NFATC2: variants seen among roughly 807,000 people sequenced by gnomAD.
The protein encoded by NFATC2 is nuclear factor of activated T-cells, cytoplasmic 2.
A neutral mutation model predicts 87.3 loss-of-function variants in NFATC2; 22 were observed. The observed-to-expected ratio is 0.25, with a 90% CI of 0.18 to 0.36. NFATC2 has a LOEUF of 0.36. Ranked by LOEUF, NFATC2 falls within the 10% of genes least tolerant of loss-of-function variation. The pLI, the probability that NFATC2 is intolerant of heterozygous loss-of-function variation, is 1.00. For missense variants in NFATC2, 1,149 were observed against 1,259.1 expected, an observed-to-expected ratio of 0.91 and a Z score of 1.32; for synonymous variants, 565 against 542.2, an observed-to-expected ratio of 1.04 and a Z score of -0.58.
intron 9 of NFATC2, among the ~76,000 whole-genome samples, chr20:51,410,320 A>G (rs1979029636): frequency 6.6e-6 from 1 of 152,008 alleles, no homozygotes; most frequent in Non-Finnish European, 1.5e-5. Flanking sequence ...TGTGATAACA[A>G]TATCAGGGGA....
At chr20:51,490,364 AC>A (rs964554742) in intron 3 of NFATC2, among the ~76,000 whole-genome samples, 2 of 152,172 alleles carry the variant, frequency 1.3e-5, no homozygotes, top group African/African-American at 4.8e-5. Flanking sequence ...TACCTCCAAG[AC>A]CCATTCTCTT....
chr20:51,416,061 A>G (rs1980000482), intron 9 of NFATC2, among the ~76,000 whole-genome samples: 1 of 152,096 alleles, frequency 6.6e-6, no homozygotes. Flanking sequence ...CAGGAGTTCA[A>G]GACCAGCCTG....
At position 51,562,548 on chromosome 20, in the gene NFATC2, A is replaced by C; in HGVS notation, c.70+12T>G. ...GAGCGGAAAAGGCTGGAAGGGATCGAGAGTCAGTTACCTTGGTCCACAGAC... is the reference window on the plus strand; with the variant it reads ...GAGCGGAAAAGGCTGGAAGGGATCGCGAGTCAGTTACCTTGGTCCACAGAC... On this transcript the variant is annotated intron_variant, in intron 1 of 10. Coordinates refer to the NFATC2 transcript ENST00000414705. The surrounding 1 kb of genome is among the most constrained non-coding windows in gnomAD (Gnocchi z 5.8). 6.5e-7 allele frequency: 1 copy of C among 1,549,266 alleles called. No individual in the cohort carries two copies. The highest frequency in any genetic ancestry group is 8.7e-7 in the Non-Finnish European group (1 of 1,145,110).
At chr20:51,397,556 A>G (rs1213175249) in intron 10 of NFATC2, among the ~76,000 whole-genome samples, 1 of 152,154 alleles carries the variant, frequency 6.6e-6, no homozygotes, top group Non-Finnish European at 1.5e-5. Flanking sequence ...CAACCTCAGC[A>G]CTGATATTTT....
chr20:51,418,819 C>T (rs1905180964), intron 9 of NFATC2, among the ~76,000 whole-genome samples: 1 of 152,084 alleles, frequency 6.6e-6, no homozygotes, highest in Admixed American at 6.5e-5. Context: ...CATGCCACCA[C>T]ATCCAGCTAA....
chr20:51,530,553 A>G (rs911875337), intron 1 of NFATC2, among the ~76,000 whole-genome samples: 4 of 152,156 alleles, frequency 2.6e-5, no homozygotes, highest in African/African-American at 9.7e-5. Flanking sequence ...TCACTGGTGG[A>G]CCACCTAAAA....
Position 51,524,157 on chromosome 20 carries a change from G to T in NFATC2, c.131-47C>A. 7.1e-7 allele frequency: 1 copy of T among 1,413,882 alleles called. No individual in the cohort carries two copies. The highest frequency in any genetic ancestry group is 1.8e-5 in the South Asian group (1 of 56,760). 87.6% of individuals were successfully genotyped at this position (1,413,882 alleles called of 1,614,324 possible). ...GGGTTCTTTTTAAGCCTCAAAAACAGAACTCCCGGTGCAGAGCAATCACAG... is the reference window on the plus strand; with the variant it reads ...GGGTTCTTTTTAAGCCTCAAAAACATAACTCCCGGTGCAGAGCAATCACAG... On this transcript the variant is annotated intron_variant, in intron 1 of 10. Coordinates refer to ENST00000371564, the MANE Select transcript of NFATC2 (RefSeq NM_012340.5). The surrounding 1 kb of genome is among the most constrained non-coding windows in gnomAD (Gnocchi z 4.0).
chr20:51,413,028 C>T (rs1215864166), intron 9 of NFATC2, among the ~76,000 whole-genome samples: 3 of 139,256 alleles, frequency 2.2e-5, no homozygotes, highest in Non-Finnish European at 4.7e-5. Flanking sequence ...CACATGGAGC[C>T]GAGTACAGTG....
At chr20:51,556,016 G>A (rs1366421923) in intron 1 of NFATC2, among the ~76,000 whole-genome samples, 1 of 152,166 alleles carries the variant, frequency 6.6e-6, no homozygotes, top group Non-Finnish European at 1.5e-5. Context: ...GACTTAAAGG[G>A]GTCCAGGCTA....
At chr20:51,554,690 G>A (rs997084401) in intron 1 of NFATC2, among the ~76,000 whole-genome samples, 17 of 152,230 alleles carry the variant, frequency 1.1e-4, no homozygotes, top group Admixed American at 3.9e-4. Flanking sequence ...AGGTTGTGGT[G>A]TGACTTGCAA....
At chr20:51,398,534 G>GGGCCTTCAGCCTGTCAAGTTTT (rs1987570586) in intron 10 of NFATC2, 109 bp downstream of exon 10, 2 of 660,992 alleles carry the variant, frequency 3.0e-6, no homozygotes, top group Non-Finnish European at 5.1e-6. Context: ...TGAGAAGAGA[G>GGGCCTTCAGCCTGTCAAGTTTT]GGCCTTCAGC....
chr20:51,475,275 T>G (rs1988611555), intron 4 of NFATC2, among the ~76,000 whole-genome samples, 183 bp downstream of exon 4: 1 of 152,130 alleles, frequency 6.6e-6, no homozygotes. Flanking sequence ...GGCCTACATA[T>G]TATGCTTTTA....
intron 5 of NFATC2, among the ~76,000 whole-genome samples, chr20:51,467,066 T>A: frequency 8.8e-6 from 1 of 113,298 alleles, no homozygotes. Flanking sequence ...GAGCGAGACT[T>A]AGTCTCAAAA....
intron 5 of NFATC2, 25 bp downstream of exon 5, chr20:51,473,955 G>C (rs1381370112): frequency 1.2e-6 from 2 of 1,606,570 alleles, no homozygotes; most frequent in African/African-American, 2.7e-5. Context: ...TCTGAAGAAA[G>C]ACCGGGCCCC....
chr20:51,540,660 T>TTTTTTTTTGTTTG (rs1568747351), intron 1 of NFATC2, among the ~76,000 whole-genome samples: 13 of 105,784 alleles, frequency 1.2e-4, no homozygotes, highest in African/African-American at 3.7e-5. Flanking sequence ...TTTTTTTTGT[T>TTTTTTTTTGTTTG]TTTTTTTTTT....
At chr20:51,414,114 G>A (rs527654374) in intron 9 of NFATC2, among the ~76,000 whole-genome samples, 1 of 152,310 alleles carries the variant, frequency 6.6e-6, no homozygotes, top group African/African-American at 2.4e-5. Flanking sequence ...TATGCAGGAA[G>A]CTGAGCCAGG....
chr20:51,561,451 GAAA>G (rs2077026024), intron 1 of NFATC2, among the ~76,000 whole-genome samples: 1 of 108,974 alleles, frequency 9.2e-6, no homozygotes, highest in Non-Finnish European at 1.9e-5. Flanking sequence ...AAGAAAGAAA[GAAA>G]GAAAGAAAGA....
At chr20:51,484,400 C>T (rs549259813) in intron 3 of NFATC2, among the ~76,000 whole-genome samples, 27 of 152,332 alleles carry the variant, frequency 1.8e-4, no homozygotes, top group African/African-American at 6.5e-4. Context: ...CTTCCCTCCA[C>T]CTGACCCCAC....
rs755913349 is a variant in NFATC2, at chr20:51,398,722, C to T, written c.2731G>A (p.Asp911Asn). The change falls in exon 10 of 11, where the codon GAC (aspartate) becomes AAC (asparagine). Residue 911 changes from aspartate (D) to asparagine (N), a missense_variant. Asp to Asn is a conservative substitution (Grantham distance 23). Coordinates refer to ENST00000371564, the MANE Select transcript of NFATC2 (RefSeq NM_012340.5). ...DQTYLDDELI[D>N]THLSWIQNIL ...TTTTGTATCCAGCTAAGGTGTGTGT[C>T]TATCAGCTCTGAAAAAGATTTGCAA... The T allele has an allele frequency of 6.2e-7, 1 of 1,610,254 alleles. No homozygotes were observed. The highest frequency in any genetic ancestry group is 1.1e-5 in the South Asian group (1 of 90,918).
Sources: gnomAD v4.1 joint callset for allele counts (sites outside exome capture counted in the v4.1 genomes callset) on GRCh38, gnomAD v4.1.1 for gene constraint, Gnocchi (gnomAD v3.1) non-coding constraint, MANE v1.5 for transcripts, NCBI Gene and HGNC (gene_info 2026-07-23, HGNC 2026-07-21) for gene names.